Variants in ARHGAP8 observed in about 807,000 individuals in gnomAD.
The protein encoded by ARHGAP8 is Rho GTPase activating protein 8.
Under a neutral mutation model 46.1 loss-of-function variants are expected in ARHGAP8, and 62 were observed. The observed-to-expected ratio is 1.34, with a 90% CI of 1.10 to 1.66. The LOEUF (loss-of-function observed/expected upper bound fraction) is 1.66, where lower values mean the gene tolerates loss of function less well. ARHGAP8 is among the 40% of genes most tolerant of loss of function. ARHGAP8 has a pLI of 0.00. For synonymous variants in ARHGAP8, 375 were observed against 243.1 expected, an observed-to-expected ratio of 1.54 and a Z score of -5.05; for missense variants, 923 against 568.4, an observed-to-expected ratio of 1.62 and a Z score of -6.34.
At chr22:44,845,005 C>A (rs901220032) in intron 7 of ARHGAP8, among the ~76,000 whole-genome samples, 1 of 152,094 alleles carries the variant, frequency 6.6e-6, no homozygotes, top group Non-Finnish European at 1.5e-5. Flanking sequence ...TCTGAAGTTG[C>A]CCCCTGGGGA....
rs115285769 is a variant in ARHGAP8 at position 44,805,986 on chromosome 22, A to C, written c.168-2321A>C. On this transcript the variant is annotated intron_variant, in intron 3 of 11. Coordinates refer to ENST00000356099, the MANE Select transcript of ARHGAP8 (RefSeq NM_181335.3). Reference sequence around the variant, plus strand: ...GATTTCAGTGTGCTGAACAGAAGGCACTGGGGAGAGCCCAGCGCTGGGGCC... The same window carrying C: ...GATTTCAGTGTGCTGAACAGAAGGCCCTGGGGAGAGCCCAGCGCTGGGGCC... Among the ~76,000 whole-genome samples the C allele has an allele frequency of 3.1e-3, 476 of 152,316 alleles. 5 individuals carry two copies. Among genetic ancestry groups the C allele is most frequent in the African/African-American group, 0.011 (454 of 41,576 alleles).
intron 2 of ARHGAP8, among the ~76,000 whole-genome samples, chr22:44,797,801 C>T (rs974407076): frequency 3.3e-5 from 5 of 151,842 alleles, no homozygotes; most frequent in East Asian, 1.9e-4. Context: ...CGTGTGTGCA[C>T]GCAAGTGTGT....
chr22:44,835,736 T>A (rs1010262911), intron 7 of ARHGAP8, among the ~76,000 whole-genome samples: 1 of 152,212 alleles, frequency 6.6e-6, no homozygotes, highest in Non-Finnish European at 1.5e-5. Flanking sequence ...GATCTGATGG[T>A]GATCTTATTA....
intron 10 of ARHGAP8, among the ~76,000 whole-genome samples, chr22:44,857,606 G>A (rs2070265716): frequency 6.6e-6 from 1 of 152,260 alleles, no homozygotes; most frequent in African/African-American, 2.4e-5. Flanking sequence ...AGTGAGCCTG[G>A]GGCAGGAAAC....
At chr22:44,830,448 A>G (rs1380332291) in intron 7 of ARHGAP8, among the ~76,000 whole-genome samples, 2 of 152,048 alleles carry the variant, frequency 1.3e-5, no homozygotes, top group Admixed American at 1.3e-4. Context: ...CTCCTGCCTC[A>G]GCCTCCTGAG....
chr22:44,804,407 G>A (rs1195422662), intron 3 of ARHGAP8, among the ~76,000 whole-genome samples: 1 of 152,220 alleles, frequency 6.6e-6, no homozygotes, highest in Non-Finnish European at 1.5e-5. Flanking sequence ...AGGCCCAGGG[G>A]AGAAGCTCAG....
At chr22:44,754,638 T>A (rs1252566373) in intron 1 of ARHGAP8, among the ~76,000 whole-genome samples, 1 of 152,104 alleles carries the variant, frequency 6.6e-6, no homozygotes, top group African/African-American at 2.4e-5. Flanking sequence ...GTGCTGGGAT[T>A]ACAGGCATGA....
At chr22:44,814,032 C>T (rs2147102065) in intron 4 of ARHGAP8, among the ~76,000 whole-genome samples, 1 of 152,286 alleles carries the variant, frequency 6.6e-6, no homozygotes, top group African/African-American at 2.4e-5. Flanking sequence ...CCCACTCACC[C>T]TCTAGAGCCC....
rs754837625 is a variant in ARHGAP8, at chr22:44,823,062, G to A, written c.485+593G>A. On this transcript the variant is annotated intron_variant, in intron 6 of 11. Transcript: ENST00000356099. ...GCCCCTGTGTCTCCCTCTCTGAGGCGCTCCTTTGAAGGAGCAGGCCCTTGC... is the reference window on the plus strand; with the variant it reads ...GCCCCTGTGTCTCCCTCTCTGAGGCACTCCTTTGAAGGAGCAGGCCCTTGC... 5.9e-5 allele frequency among the ~76,000 whole-genome samples: 9 copies of A among 152,354 alleles called. No homozygotes were observed. In the East Asian group the frequency reaches 1.7e-3, roughly 29 times the overall value.
chr22:44,854,364 G>A (rs2070170779), intron 10 of ARHGAP8, among the ~76,000 whole-genome samples: 1 of 151,358 alleles, frequency 6.6e-6, no homozygotes, highest in African/African-American at 2.4e-5. Flanking sequence ...AGCCTCCGGA[G>A]TAGCTGGGAT....
rs369682443 is a variant in ARHGAP8 at position 44,828,542 on chromosome 22, C to T, written c.596+2949C>T. On this transcript the variant is annotated intron_variant, in intron 7 of 11. Coordinates refer to ENST00000356099, the MANE Select transcript of ARHGAP8 (RefSeq NM_181335.3). ...TCGGCTCCCTGCAACCTCCGCCTCCCGGGTTTAAGCAATTCTCCTGCCTCA... is the reference window on the plus strand; with the variant it reads ...TCGGCTCCCTGCAACCTCCGCCTCCTGGGTTTAAGCAATTCTCCTGCCTCA... 8.6e-5 allele frequency among the ~76,000 whole-genome samples: 13 copies of T among 151,568 alleles called. No homozygotes were observed. In the East Asian group the frequency reaches 1.6e-3, roughly 18 times the overall value.
chr22:44,761,795 C>T (rs1925152297), intron 1 of ARHGAP8, among the ~76,000 whole-genome samples: 1 of 152,192 alleles, frequency 6.6e-6, no homozygotes, highest in Non-Finnish European at 1.5e-5. Context: ...CTTACAGTTC[C>T]ATGTGGCTGG....
intron 3 of ARHGAP8, among the ~76,000 whole-genome samples, chr22:44,807,063 A>C (rs1286975618): frequency 6.6e-6 from 1 of 152,122 alleles, no homozygotes; most frequent in Non-Finnish European, 1.5e-5. Flanking sequence ...AGGTGGGCAC[A>C]GGCTGCTGCG....
intron 11 of ARHGAP8, among the ~76,000 whole-genome samples, chr22:44,861,341 T>C (rs1864904595): frequency 6.6e-6 from 1 of 152,170 alleles, no homozygotes; most frequent in African/African-American, 2.4e-5. Flanking sequence ...CCGATGTGAA[T>C]GCACCTGGTG....
chr22:44,769,513 G>A (rs1224456932), intron 1 of ARHGAP8, among the ~76,000 whole-genome samples: 1 of 152,118 alleles, frequency 6.6e-6, no homozygotes, highest in Non-Finnish European at 1.5e-5. Context: ...ATTTTGATTG[G>A]GATTGTGTTT....
rs2070373027 is a variant in ARHGAP8, at chr22:44,859,733, G to A, written c.880G>A (p.Val294Met). ...AYEQILGITCVESSLRVTGCR... is the reference protein window; with the variant it reads ...AYEQILGITCMESSLRVTGCR... ...CAGGGAGCCCCATGCCCTTCCAGGT[G>A]TGGAGAGCAGCCTGCGTGTCACTGG... The change falls in exon 11 of 12, where the codon GTG becomes ATG. Residue 294 changes from valine to methionine, a missense_variant and splice_region_variant. Coordinates refer to ENST00000356099, the MANE Select transcript of ARHGAP8 (RefSeq NM_181335.3). 9 of 1,613,406 alleles carry A rather than the reference G, an allele frequency of 5.6e-6. No individual in the cohort carries two copies. The highest frequency in any genetic ancestry group is 4.0e-5 in the African/African-American group (3 of 74,932).
intron 2 of ARHGAP8, among the ~76,000 whole-genome samples, chr22:44,791,352 A>C (rs5765014): frequency 0.42 from 63,931 of 151,892 alleles, 13,715 homozygotes; most frequent in East Asian, 0.52. Flanking sequence ...ATGGCACAGG[A>C]AGCAGTCTTC....
intron 4 of ARHGAP8, among the ~76,000 whole-genome samples, chr22:44,810,961 A>G (rs1251012871): frequency 1.3e-5 from 2 of 152,156 alleles, no homozygotes; most frequent in Non-Finnish European, 2.9e-5. Context: ...TGTGCACAGT[A>G]GCCCTGTCTT....
Position 44,852,424 on chromosome 22 carries a change from CAGAG to C in ARHGAP8, c.877+3369_877+3372del, listed in dbSNP as rs536620359. Among the ~76,000 whole-genome samples, 91 of 152,188 alleles carry C rather than the reference CAGAG, an allele frequency of 6.0e-4. 1 individual carries two copies. The highest frequency in any genetic ancestry group is 2.1e-3 in the South Asian group (10 of 4,812). ...TCTGCTACACAGAAGTAGGGGGAGT[CAGAG>C]AGAGCCCTTCCCACACCTGCCTTTC... On this transcript the variant is annotated intron_variant, in intron 10 of 11. Coordinates refer to ENST00000356099, the MANE Select transcript of ARHGAP8 (RefSeq NM_181335.3).
Sources: allele counts gnomAD v4.1 joint callset (sites outside exome capture counted in the v4.1 genomes callset), GRCh38; gene constraint gnomAD v4.1.1; transcripts MANE v1.5; gene names NCBI Gene and HGNC (gene_info 2026-07-23, HGNC 2026-07-21).